The following CREBBP variants were observed in gnomAD, a reference collection of about 807,000 sequenced individuals.
CREBBP encodes the protein CREB binding lysine acetyltransferase.
CREBBP carries 19 observed loss-of-function variants against 265.0 expected under a neutral mutation model. The observed-to-expected ratio is 0.07, with a 90% CI of 0.05 to 0.11. The LOEUF (loss-of-function observed/expected upper bound fraction) is 0.11, where lower values mean the gene tolerates loss of function less well. Among genes scored for constraint, CREBBP ranks in the 10% least tolerant of loss-of-function variants. The pLI is 1.00. For synonymous variants in CREBBP, 1,457 were observed against 1,223.7 expected (o/e 1.19, Z -3.98); for missense variants, 2,525 against 3,219.0 (o/e 0.78, Z 5.22).
Position 3,879,976 on chromosome 16 carries a change from C to CG in CREBBP, c.-61dup, listed in dbSNP as rs765083296. 6 of 1,508,516 alleles carry CG rather than the reference C, an allele frequency of 4.0e-6. No individual in the cohort carries two copies. In the South Asian group the frequency reaches 7.1e-5, roughly 18 times the overall value. The allele number at this position is 1,508,516 out of a possible 1,614,324, so 93.4% of individuals were successfully genotyped here. On this transcript the variant is annotated 5_prime_UTR_variant, in exon 1 of 31. Coordinates refer to ENST00000262367, the MANE Select transcript of CREBBP (RefSeq NM_004380.3). ...GCGGCCGGGCCGGCGAGGGCCCGGA[C>CG]GGGGGTCGGGGGCCCTGCCGGCTGC...
chr16:3,851,309 A>ATT (rs1567363388), intron 1 of CREBBP, among the ~76,000 whole-genome samples: 6 of 137,008 alleles, frequency 4.4e-5, no homozygotes, highest in Non-Finnish European at 8.9e-5. Context: ...AAAAAATTAA[A>ATT]AAAAAAAAAA....
intron 16 of CREBBP, 130 bp downstream of exon 16, chr16:3,767,590 G>GAATGGC: frequency 8.0e-7 from 1 of 1,250,848 alleles, no homozygotes; most frequent in Non-Finnish European, 1.1e-6. Context: ...AAAGTCTGGG[G>GAATGGC]AATGGCAGGC....
chr16:3,828,020 A>C (rs1469556809), intron 2 of CREBBP, among the ~76,000 whole-genome samples: 1 of 152,186 alleles, frequency 6.6e-6, no homozygotes, highest in East Asian at 1.9e-4. Context: ...AATGTTTAAG[A>C]AAATTAATTA....
intron 11 of CREBBP, among the ~76,000 whole-genome samples, chr16:3,776,999 C>A (rs1481648207): frequency 6.7e-6 from 1 of 149,640 alleles, no homozygotes; most frequent in Non-Finnish European, 1.5e-5. Flanking sequence ...GCCTGGGCAA[C>A]AAAGTAAGGC....
chr16:3,847,279 C>A (rs989267216), intron 2 of CREBBP, among the ~76,000 whole-genome samples: 3 of 152,152 alleles, frequency 2.0e-5, no homozygotes, highest in African/African-American at 7.2e-5. Context: ...TCTTTTCCTA[C>A]TATTTTAATT....
rs1324904395 is a variant in CREBBP at position 3,738,677 on chromosome 16, G to A, written c.4281-5C>T. The A allele has an allele frequency of 6.3e-7, 1 of 1,587,836 alleles. No homozygotes were observed. Among genetic ancestry groups the A allele is most frequent in the Non-Finnish European group, 8.6e-7 (1 of 1,157,054 alleles). On this transcript the variant is annotated splice_region_variant and splice_polypyrimidine_tract_variant and intron_variant, in intron 25 of 30. Transcript: ENST00000262367. ...AGATAAGAAATGTACACACGCCTGT[G>A]GGAAGGAGGCACATGTTTAACTCAG...
intron 1 of CREBBP, among the ~76,000 whole-genome samples, chr16:3,852,414 G>A (rs1173211701): frequency 6.6e-6 from 1 of 151,512 alleles, no homozygotes; most frequent in Non-Finnish European, 1.5e-5. Context: ...ATGATCCATG[G>A]GAGGCCTCAG....
chr16:3,755,758 AG>A (rs1012737686), intron 19 of CREBBP, among the ~76,000 whole-genome samples: 1 of 152,216 alleles, frequency 6.6e-6, no homozygotes, highest in African/African-American at 2.4e-5. Flanking sequence ...ATAAAGGGGA[AG>A]TTGAGATGGA....
At chr16:3,730,063 G>A (rs1053941010) in intron 30 of CREBBP, among the ~76,000 whole-genome samples, 189 bp from the exon 31 acceptor site, 1 of 152,124 alleles carries the variant, frequency 6.6e-6, no homozygotes, top group Non-Finnish European at 1.5e-5. Context: ...GACAAGATGG[G>A]ATCATGGACG....
rs765762828 is a variant in CREBBP at position 3,774,583 on chromosome 16, C to T, written c.2269G>A (p.Gly757Ser). Residue 757 changes from glycine to serine, a missense_variant, in exon 12 of 31, where the codon GGC (glycine) becomes AGC (serine). By Grantham distance (56) the Gly-to-Ser change is moderately conservative (BLOSUM62 0). Transcript: ENST00000262367. ...AGAACACTTACCCCTGGCACTGAGC[C>T]CATGCTGTTCATCTGGACAGAGTGG... is the stretch of plus-strand genomic sequence containing the variant. ...MNHSVQMNSMGSVPGMAISPS... is the reference protein window; with the variant it reads ...MNHSVQMNSMSSVPGMAISPS... 15 of 1,614,012 alleles carry T rather than the reference C, an allele frequency of 9.3e-6. No homozygotes were observed. Among genetic ancestry groups the T allele is most frequent in the African/African-American group, 4.0e-5 (3 of 74,884 alleles).
chr16:3,745,367 G>C lies in CREBBP; in HGVS notation c.3837-13C>G, dbSNP rs751236054. 5 of 1,613,554 alleles carry C rather than the reference G, an allele frequency of 3.1e-6. No individual in the cohort carries two copies. The highest frequency in any genetic ancestry group is 4.2e-6 in the Non-Finnish European group (5 of 1,179,692). ...GCAATCAACGAAACTAGGAGGCAAAGAAGGCGCACTGTTAAAGCACACGGA... is the reference window on the plus strand; with the variant it reads ...GCAATCAACGAAACTAGGAGGCAAACAAGGCGCACTGTTAAAGCACACGGA... On this transcript the variant is annotated splice_polypyrimidine_tract_variant and intron_variant, in intron 21 of 30. Coordinates refer to ENST00000262367, the MANE Select transcript of CREBBP (RefSeq NM_004380.3).
chr16:3,850,708 T>G lies in CREBBP; in HGVS notation c.387A>C (p.Ser129=). The part of the protein sequence containing the change: ...GKSPLSQGDS[S]APSLPKQAAS... ...CTGCCTGTTTAGGCAGGCTGGGGGC[T>G]GAAGAATCTCCCTGGCTCAGAGGGC... Residue 129 remains serine, a synonymous_variant, in exon 2 of 31, where the codon TCA becomes TCC. Coordinates refer to ENST00000262367, the MANE Select transcript of CREBBP (RefSeq NM_004380.3). 1 of 1,614,138 alleles carries G rather than the reference T, an allele frequency of 6.2e-7. No homozygotes were observed. The highest frequency in any genetic ancestry group is 8.5e-7 in the Non-Finnish European group (1 of 1,180,044).
At chr16:3,745,236 T>C in intron 22 of CREBBP, 41 bp downstream of exon 22, 1 of 1,577,508 alleles carries the variant, frequency 6.3e-7, no homozygotes, top group South Asian at 1.1e-5. Flanking sequence ...CGCCACTGGC[T>C]CTGTGCAGAA....
intron 2 of CREBBP, among the ~76,000 whole-genome samples, chr16:3,811,518 T>C (rs923135699): frequency 6.6e-6 from 1 of 152,238 alleles, no homozygotes; most frequent in African/African-American, 2.4e-5. Flanking sequence ...AGAGACAGCA[T>C]CTTGCTCTGT....
chr16:3,728,486 T>C lies in CREBBP; in HGVS notation c.6561A>G (p.Pro2187=). The C allele has an allele frequency of 6.2e-7, 1 of 1,613,982 alleles. No homozygotes were observed. The highest frequency in any genetic ancestry group is 8.5e-7 in the Non-Finnish European group (1 of 1,179,986). The part of the protein sequence containing the change: ...GHNPNMASMN[P]QYREMLRRQL... ...GCCTCCGTAACATTTCTCGGTACTG[T>C]GGATTCATACTCGCCATGTTGGGGT... is the stretch of plus-strand genomic sequence containing the variant. Residue 2187 remains proline (P), a synonymous_variant, in exon 31 of 31, where the codon CCA becomes CCG. Transcript: ENST00000262367. This position sits in a 1 kb window ranked among gnomAD's most constrained non-coding sequence, Gnocchi z 8.7.
intron 25 of CREBBP, among the ~76,000 whole-genome samples, chr16:3,739,190 A>G (rs1390025558): frequency 1.3e-5 from 2 of 152,236 alleles, no homozygotes; most frequent in African/African-American, 2.4e-5. Flanking sequence ...CGGCACAGAG[A>G]GCCACAGTTA....
intron 2 of CREBBP, among the ~76,000 whole-genome samples, chr16:3,827,221 G>A (rs7199861): frequency 0.046 from 6,973 of 151,380 alleles, 509 homozygotes; most frequent in African/African-American, 0.16. Context: ...TGAAGGAAAT[G>A]TGATAAGTAT....
intron 16 of CREBBP, among the ~76,000 whole-genome samples, chr16:3,759,297 A>C (rs2052655819): frequency 6.6e-6 from 1 of 152,126 alleles, no homozygotes; most frequent in Non-Finnish European, 1.5e-5. Context: ...TGGCAAATAA[A>C]GCCATTTCAG....
chr16:3,728,028 C>G lies in CREBBP; in HGVS notation c.7019G>C (p.Ser2340Thr), dbSNP rs2151299806. 2 of 1,611,682 alleles carry G rather than the reference C, an allele frequency of 1.2e-6. No homozygotes were observed. Among genetic ancestry groups the G allele is most frequent in the East Asian group, 2.2e-5 (1 of 44,838 alleles). ...LPGQQIATSLSNQVRSPAPVQ... is the reference protein window; with the variant it reads ...LPGQQIATSLTNQVRSPAPVQ... ...AGGGGCTGGAGACCGCACCTGGTTACTAAGGGACGTGGCGATCTGCTGGCC... is the reference window on the plus strand; with the variant it reads ...AGGGGCTGGAGACCGCACCTGGTTAGTAAGGGACGTGGCGATCTGCTGGCC... Residue 2340 changes from serine to threonine, a missense_variant, in exon 31 of 31, where the codon AGT (serine) becomes ACT (threonine). Ser to Thr is a moderately conservative substitution (Grantham distance 58). Around this residue, in one of 19 missense-constraint regions of CREBBP, gnomAD observed 473 missense variants for 459.3 expected, o/e 1.03. Coordinates refer to ENST00000262367, the MANE Select transcript of CREBBP (RefSeq NM_004380.3). The surrounding 1 kb of genome is among the most constrained non-coding windows in gnomAD (Gnocchi z 8.7).
Sources: allele counts gnomAD v4.1 joint callset (sites outside exome capture counted in the v4.1 genomes callset), GRCh38; gene constraint gnomAD v4.1.1; regional missense constraint gnomAD v4.1.1; non-coding constraint Gnocchi (gnomAD v3.1); transcripts MANE v1.5; gene names NCBI Gene and HGNC (gene_info 2026-07-23, HGNC 2026-07-21).